Variants in SPTBN1 observed in about 807,000 individuals in gnomAD.
The protein encoded by SPTBN1 is spectrin beta, non-erythrocytic 1.
In SPTBN1, 32 loss-of-function variants were observed where a neutral mutation model predicts 266.4. The observed-to-expected ratio is 0.12, with a 90% CI of 0.09 to 0.16. The LOEUF (loss-of-function observed/expected upper bound fraction) is 0.16, where lower values mean the gene tolerates loss of function less well. Among genes scored for constraint, SPTBN1 ranks in the 10% least tolerant of loss-of-function variants. The pLI is 1.00. For synonymous variants in SPTBN1, 1,336 were observed against 1,162.2 expected (o/e 1.15, Z -3.04); for missense variants, 2,296 against 3,067.1 (o/e 0.75, Z 5.94).
intron 1 of SPTBN1, among the ~76,000 whole-genome samples, chr2:54,524,041 A>C (rs1316640369): frequency 6.6e-6 from 1 of 152,162 alleles, no homozygotes; most frequent in Non-Finnish European, 1.5e-5. Context: ...TCTACCAAAA[A>C]TACAGAAATT....
chr2:54,489,412 A>C (rs1668572721), intron 1 of SPTBN1, among the ~76,000 whole-genome samples: 1 of 151,796 alleles, frequency 6.6e-6, no homozygotes. Context: ...TTAGAATCAT[A>C]ATTCTAAGCC....
At chr2:54,588,219 C>G (rs1395475108) in intron 2 of SPTBN1, among the ~76,000 whole-genome samples, 3 of 152,160 alleles carry the variant, frequency 2.0e-5, no homozygotes, top group Non-Finnish European at 4.4e-5. Flanking sequence ...TTTAACCACC[C>G]TCTTAAAATG....
In SPTBN1 at chr2:54,653,470, T is replaced by G. The variant is rs1260058534; in HGVS notation, c.5578-139T>G. 2 of 1,375,386 alleles carry G rather than the reference T, an allele frequency of 1.5e-6. No homozygotes were observed. The highest frequency in any genetic ancestry group is 1.9e-6 in the Non-Finnish European group (2 of 1,035,628). The allele number at this position is 1,375,386 out of a possible 1,614,324, so 85.2% of individuals were successfully genotyped here. ...GTGACTTGGATCTCCCCAGTGAAAT[T>G]GAGGGCTCCTTAAGGGGCATGGGCC... On this transcript the variant is annotated intron_variant, in intron 26 of 35. Transcript: ENST00000356805. The surrounding 1 kb of genome is among the most constrained non-coding windows in gnomAD (Gnocchi z 5.1).
chr2:54,500,192 A>G (rs1228908638), intron 1 of SPTBN1, among the ~76,000 whole-genome samples: 1 of 152,252 alleles, frequency 6.6e-6, no homozygotes, highest in Admixed American at 6.5e-5. Flanking sequence ...AATAATCACA[A>G]AATTTATGTT....
Position 54,631,141 on chromosome 2 carries a change from G to A in SPTBN1, c.3094G>A (p.Ala1032Thr). The A allele has an allele frequency of 6.2e-7, 1 of 1,614,206 alleles. No individual in the cohort carries two copies. Among genetic ancestry groups the A allele is most frequent in the South Asian group, 1.1e-5 (1 of 91,084 alleles). The part of the protein sequence containing the change: ...LESEHPDQAQ[A>T]ILSRLAEISD... ...GTCCGAGCACCCCGACCAGGCCCAGGCCATCCTGTCTCGGCTGGCCGAGAT... is the reference window on the plus strand; with the variant it reads ...GTCCGAGCACCCCGACCAGGCCCAGACCATCCTGTCTCGGCTGGCCGAGAT... Residue 1032 changes from alanine (A) to threonine (T), a missense_variant, in exon 16 of 36, where the codon GCC (alanine) becomes ACC (threonine). Ala to Thr is a moderately conservative substitution (Grantham distance 58). Transcript: ENST00000356805.
At chr2:54,512,673 A>T (rs996579452) in intron 1 of SPTBN1, among the ~76,000 whole-genome samples, 5 of 152,230 alleles carry the variant, frequency 3.3e-5, no homozygotes, top group African/African-American at 1.2e-4. Flanking sequence ...TATAACTTAC[A>T]AATTTATAAC....
At chr2:54,572,761 G>T (rs56196255) in intron 2 of SPTBN1, among the ~76,000 whole-genome samples, 1 of 152,022 alleles carries the variant, frequency 6.6e-6, no homozygotes, top group Non-Finnish European at 1.5e-5. Flanking sequence ...AGTCATACTC[G>T]TTCAGCAGTG....
At chr2:54,624,007 A>G (rs533749115) in intron 10 of SPTBN1, among the ~76,000 whole-genome samples, 1 of 152,388 alleles carries the variant, frequency 6.6e-6, no homozygotes, top group South Asian at 2.1e-4. Flanking sequence ...CAAATAAGCA[A>G]TTTTAATCAT....
At chr2:54,561,399 G>T (rs1024079961) in intron 2 of SPTBN1, among the ~76,000 whole-genome samples, 1 of 152,118 alleles carries the variant, frequency 6.6e-6, no homozygotes, top group Admixed American at 6.5e-5. Flanking sequence ...TTCCCAAAGT[G>T]TTGGGATCAC....
rs1201898780 is a variant in SPTBN1, at chr2:54,486,466, G to T, written c.-48+29948G>T. On this transcript the variant is annotated intron_variant, in intron 1 of 35. Coordinates refer to ENST00000356805, the MANE Select transcript of SPTBN1 (RefSeq NM_003128.3). ...AACCATGTGCTGTGTCCACTCAGGG[G>T]TCAATGGATTAAGGGCGGTGCAAGA... Among the ~76,000 whole-genome samples the T allele has an allele frequency of 3.9e-5, 6 of 152,140 alleles. No homozygotes were observed. In the East Asian group the frequency reaches 7.7e-4, roughly 20 times the overall value.
At position 54,638,543 on chromosome 2, in the gene SPTBN1, C is replaced by T. The variant is rs116464827; in HGVS notation, c.3858+740C>T. ...GATGATCATTGTACTATTTCATGCT[C>T]TTCTGATACATGCACAAACTTTGAA... is the stretch of plus-strand genomic sequence containing the variant. On this transcript the variant is annotated intron_variant, in intron 18 of 35. Coordinates refer to ENST00000356805, the MANE Select transcript of SPTBN1 (RefSeq NM_003128.3). Among the ~76,000 whole-genome samples the T allele has an allele frequency of 5.4e-3, 819 of 152,338 alleles. 6 individuals carry two copies. Among genetic ancestry groups the T allele is most frequent in the African/African-American group, 0.019 (786 of 41,582 alleles).
At chr2:54,656,049 G>A (rs767823026) in intron 29 of SPTBN1, 51 bp downstream of exon 29, 55 of 1,480,686 alleles carry the variant, frequency 3.7e-5, no homozygotes, top group Non-Finnish European at 4.9e-5. Flanking sequence ...TGGAAAACAT[G>A]CACGTTTATT....
At chr2:54,632,324 T>C (rs191181319) in intron 16 of SPTBN1, among the ~76,000 whole-genome samples, 5 of 152,290 alleles carry the variant, frequency 3.3e-5, no homozygotes, top group Non-Finnish European at 7.4e-5. Context: ...CACAAAGCTT[T>C]GGTTCCTTTC....
At chr2:54,545,281 A>T (rs1672175434) in intron 2 of SPTBN1, 1 of 152,204 alleles carries the variant, frequency 6.6e-6, no homozygotes, top group Non-Finnish European at 1.5e-5. Flanking sequence ...TAATCCTTTG[A>T]GTATATACCC....
chr2:54,522,204 A>G (rs1177336166), intron 1 of SPTBN1, among the ~76,000 whole-genome samples: 2 of 152,076 alleles, frequency 1.3e-5, no homozygotes, highest in Non-Finnish European at 2.9e-5. Flanking sequence ...TCTTGGCCTA[A>G]CCTTTCCGTT....
intron 1 of SPTBN1, among the ~76,000 whole-genome samples, chr2:54,469,643 C>G (rs967810724): frequency 6.6e-6 from 1 of 152,176 alleles, no homozygotes; most frequent in African/African-American, 2.4e-5. Context: ...GGGATGGCAA[C>G]AAGACCAGGC....
chr2:54,490,818 G>A (rs376871591), intron 1 of SPTBN1, among the ~76,000 whole-genome samples: 16 of 152,278 alleles, frequency 1.1e-4, no homozygotes, highest in East Asian at 5.8e-4. Context: ...AGAGTCCCAC[G>A]CAGGGGAACA....
intron 2 of SPTBN1, among the ~76,000 whole-genome samples, chr2:54,575,263 C>T (rs919692219): frequency 1.3e-5 from 2 of 152,216 alleles, no homozygotes; most frequent in African/African-American, 4.8e-5. Context: ...CAATACAATA[C>T]ACAGCTGAAA....
chr2:54,640,306 A>G (rs548847900), intron 18 of SPTBN1, among the ~76,000 whole-genome samples: 2 of 152,282 alleles, frequency 1.3e-5, no homozygotes, highest in South Asian at 2.1e-4. Flanking sequence ...TGTTCAAGGT[A>G]TGGGGAATCC....
Sources: allele counts gnomAD v4.1 joint callset (sites outside exome capture counted in the v4.1 genomes callset), GRCh38; gene constraint gnomAD v4.1.1; non-coding constraint Gnocchi (gnomAD v3.1); transcripts MANE v1.5; gene names NCBI Gene and HGNC (gene_info 2026-07-23, HGNC 2026-07-21).